The following TMEM232 variants were observed in gnomAD, a reference collection of about 807,000 sequenced individuals.
TMEM232 encodes the protein transmembrane protein 232.
TMEM232 carries 80 observed loss-of-function variants against 78.8 expected under a neutral mutation model. That is an observed-to-expected ratio of 1.01 (90% CI 0.85 to 1.22). The LOEUF is 1.22. TMEM232 is among the 50% of genes most tolerant of loss of function. The pLI is 0.00. For synonymous variants in TMEM232, 297 were observed against 254.3 expected (o/e 1.17, Z -1.60); for missense variants, 881 against 742.2 (o/e 1.19, Z -2.17).
At chr5:110,520,426 A>G (rs1054329436) in intron 12 of TMEM232, among the ~76,000 whole-genome samples, 3 of 152,178 alleles carry the variant, frequency 2.0e-5, no homozygotes, top group African/African-American at 7.2e-5. Flanking sequence ...AATAACAATG[A>G]TAGCAAAACG....
At position 110,605,263 on chromosome 5, in the gene TMEM232, A is replaced by T. The variant is rs1459431894; in HGVS notation, c.1122T>A (p.Thr374=). 6.4e-7 allele frequency: 1 copy of T among 1,551,204 alleles called. No homozygotes were observed. Among genetic ancestry groups the T allele is most frequent in the African/African-American group, 1.4e-5 (1 of 73,024 alleles). ...TTAAAGCAGTTTTTCGCAAATCAGA[A>T]GTGGCTGCATACAAGCAGATTTCTG... ...ILAEICLYAA[T]SDLRKTALIG... The change falls in exon 10 of 14, where the codon ACT becomes ACA. Residue 374 remains threonine, a synonymous_variant. Transcript: ENST00000455884.
intron 1 of TMEM232, chr5:110,685,065 T>C (rs560037280): frequency 2.6e-5 from 4 of 152,196 alleles, no homozygotes; most frequent in South Asian, 4.1e-4. Flanking sequence ...AACAAAAGGA[T>C]AAATTAACTC....
At chr5:110,595,137 T>G (rs528754914) in intron 10 of TMEM232, among the ~76,000 whole-genome samples, 259 of 152,334 alleles carry the variant, frequency 1.7e-3, no homozygotes, top group African/African-American at 5.8e-3. Context: ...ATACAGGGTC[T>G]GGAGTGGACC....
chr5:110,736,323 G>C (rs887168347), intron 1 of TMEM232, among the ~76,000 whole-genome samples: 1 of 152,046 alleles, frequency 6.6e-6, no homozygotes. Flanking sequence ...TTATTGCTGT[G>C]TCTGCCCATA....
At chr5:110,683,989 TTC>T in intron 1 of TMEM232, among the ~76,000 whole-genome samples, 1 of 151,980 alleles carries the variant, frequency 6.6e-6, no homozygotes, top group Admixed American at 6.6e-5. Context: ...CAAAGAATAA[TTC>T]CATTAAATTC....
chr5:110,403,190 C>T lies in TMEM232; in HGVS notation n.309-5336G>A, dbSNP rs75430860. Among the ~76,000 whole-genome samples the T allele has an allele frequency of 7.9e-5, 12 of 152,084 alleles. No individual in the cohort carries two copies. The East Asian group carries it at 2.3e-3, about 29-fold the overall frequency. On this transcript the variant is annotated intron_variant and non_coding_transcript_variant, in intron 2 of 8. Coordinates refer to the TMEM232 transcript ENST00000507188. ...AGTCTCAGTCTTGGTATTTCAATTC[C>T]AGAGAAAATTTTTTAGTAACAAAAC...
intron 12 of TMEM232, among the ~76,000 whole-genome samples, chr5:110,478,426 C>G (rs534414062): frequency 1.3e-5 from 2 of 151,804 alleles, no homozygotes. Flanking sequence ...TGGAGAATTG[C>G]GATAATTGTC....
Position 110,548,924 on chromosome 5 carries a change from CATA to C in TMEM232, c.1455+19520_1455+19522del, listed in dbSNP as rs1158478428. Among the ~76,000 whole-genome samples the C allele has an allele frequency of 7.9e-5, 12 of 151,728 alleles. No individual in the cohort carries two copies. In the East Asian group the frequency reaches 2.3e-3, roughly 29 times the overall value. ...ATGATTATAAAGTGTAGTGATTGATCATAATAAAATTGAACTAAAATCAAACAA... is the reference window on the plus strand; with the variant it reads ...ATGATTATAAAGTGTAGTGATTGATCATAAAATTGAACTAAAATCAAACAA... On this transcript the variant is annotated intron_variant, in intron 11 of 13. Coordinates refer to ENST00000455884, the MANE Select transcript of TMEM232 (RefSeq NM_001039763.4).
chr5:110,464,991 G>A (rs1057344031), intron 12 of TMEM232, among the ~76,000 whole-genome samples: 2 of 152,196 alleles, frequency 1.3e-5, no homozygotes, highest in African/African-American at 4.8e-5. Context: ...CAAAGCTAAG[G>A]ACTGGCTTCC....
intron 1 of TMEM232, among the ~76,000 whole-genome samples, chr5:110,717,624 T>C: frequency 6.6e-6 from 1 of 152,160 alleles, no homozygotes; most frequent in Non-Finnish European, 1.5e-5. Context: ...CCAAATCTCA[T>C]CTCGAATTGT....
At chr5:110,512,803 G>A (rs1365350314) in intron 12 of TMEM232, among the ~76,000 whole-genome samples, 1 of 151,714 alleles carries the variant, frequency 6.6e-6, no homozygotes, top group Non-Finnish European at 1.5e-5. Context: ...GTTTTCTGTT[G>A]TATTATTTTT....
chr5:110,693,604 C>T (rs1794400949), intron 1 of TMEM232, among the ~76,000 whole-genome samples: 1 of 152,092 alleles, frequency 6.6e-6, no homozygotes, highest in Non-Finnish European at 1.5e-5. Flanking sequence ...CAGAGAAGTC[C>T]TTAAAGGACC....
chr5:110,704,019 T>A (rs933311144), intron 1 of TMEM232, among the ~76,000 whole-genome samples: 3 of 152,070 alleles, frequency 2.0e-5, no homozygotes, highest in African/African-American at 4.8e-5. Context: ...GATTTCTCCA[T>A]CCTCATTCAA....
At chr5:110,525,760 C>A (rs1770490187) in intron 12 of TMEM232, among the ~76,000 whole-genome samples, 1 of 150,274 alleles carries the variant, frequency 6.7e-6, no homozygotes. Context: ...TAGAACTAGC[C>A]CAATTACATA....
chr5:110,401,171 T>C (rs1039822729), intron 2 of TMEM232, among the ~76,000 whole-genome samples: 1 of 152,036 alleles, frequency 6.6e-6, no homozygotes, highest in Non-Finnish European at 1.5e-5. Context: ...GTCAATCTTA[T>C]TCTCTTCTAA....
At chr5:110,535,054 A>AT (rs1448355254) in intron 11 of TMEM232, among the ~76,000 whole-genome samples, 1 of 151,758 alleles carries the variant, frequency 6.6e-6, no homozygotes, top group Non-Finnish European at 1.5e-5. Flanking sequence ...CCCCCCAAAA[A>AT]TTTTTACTGT....
At chr5:110,634,378 CACA>C (rs1785525661) in intron 5 of TMEM232, among the ~76,000 whole-genome samples, 1 of 152,090 alleles carries the variant, frequency 6.6e-6, no homozygotes, top group East Asian at 1.9e-4. Flanking sequence ...TTTTTCCCAA[CACA>C]ACAATAGGAT....
chr5:110,431,710 T>C (rs1486986261), intron 12 of TMEM232, among the ~76,000 whole-genome samples: 1 of 151,650 alleles, frequency 6.6e-6, no homozygotes, highest in Non-Finnish European at 1.5e-5. Context: ...ATATTACTTA[T>C]AGAATTGACA....
At chr5:110,569,260 C>T (rs914486471) in intron 10 of TMEM232, among the ~76,000 whole-genome samples, 5 of 151,846 alleles carry the variant, frequency 3.3e-5, no homozygotes, top group African/African-American at 1.2e-4. Context: ...ATATACATTA[C>T]CAAGTTCCAC....
Sources: allele counts gnomAD v4.1 joint callset (sites outside exome capture counted in the v4.1 genomes callset), GRCh38; gene constraint gnomAD v4.1.1; transcripts MANE v1.5; gene names NCBI Gene and HGNC (gene_info 2026-07-23, HGNC 2026-07-21).